ADAM23: variants seen among roughly 807,000 people sequenced by gnomAD.
ADAM23 encodes the protein ADAM metallopeptidase domain 23, also known as disintegrin and metalloproteinase domain-containing protein 23.
A neutral mutation model predicts 120.1 loss-of-function variants in ADAM23; 33 were observed. That is an observed-to-expected ratio of 0.27 (90% CI 0.21 to 0.37). The LOEUF is 0.37. Ranked by LOEUF, ADAM23 falls within the 10% of genes least tolerant of loss-of-function variation. The pLI, the probability that ADAM23 is intolerant of heterozygous loss-of-function variation, is 1.00. For synonymous variants in ADAM23, 367 were observed against 375.2 expected, an observed-to-expected ratio of 0.98 and a Z score of 0.25; for missense variants, 862 against 1,058.2, an observed-to-expected ratio of 0.81 and a Z score of 2.57.
At chr2:206,467,047 T>C (rs1695555556) in intron 2 of ADAM23, among the ~76,000 whole-genome samples, 1 of 152,228 alleles carries the variant, frequency 6.6e-6, no homozygotes, top group Non-Finnish European at 1.5e-5. Flanking sequence ...GGAAAACCGC[T>C]TGCGTGATCA....
Position 206,548,327 on chromosome 2 carries a change from G to A in ADAM23, c.840G>A (p.Trp280Ter), listed in dbSNP as rs143389656. 3.1e-6 allele frequency: 5 copies of A among 1,611,102 alleles called. No individual in the cohort carries two copies. Among genetic ancestry groups the A allele is most frequent in the Non-Finnish European group, 4.2e-6 (5 of 1,179,942 alleles). ...GGCCCTTTCTCTCTGAATTACAGTGGTTGAAAAGAAGGAAGAGAGCAGTGA... is the reference window on the plus strand; with the variant it reads ...GGCCCTTTCTCTCTGAATTACAGTGATTGAAAAGAAGGAAGAGAGCAGTGA... ...DQWPFLSELQWLKRRKRAVNP... is the reference protein window; with the variant it reads ...DQWPFLSELQ Residue 280 changes from tryptophan to a stop codon, truncating the protein, a stop_gained, in exon 8 of 26, where the codon TGG (tryptophan) becomes TGA (stop). Transcript: ENST00000264377. LOFTEE classifies it high-confidence loss of function.
intron 13 of ADAM23, among the ~76,000 whole-genome samples, chr2:206,564,208 C>T (rs1697832400): frequency 6.6e-6 from 1 of 151,860 alleles, no homozygotes; most frequent in Non-Finnish European, 1.5e-5. Flanking sequence ...ATATATTGCT[C>T]TCTCTATCGA....
chr2:206,529,512 C>T (rs944876891), intron 3 of ADAM23, among the ~76,000 whole-genome samples: 3 of 152,072 alleles, frequency 2.0e-5, no homozygotes, highest in African/African-American at 7.2e-5. Flanking sequence ...AATCCTTCCA[C>T]CTCAGGCTCC....
At chr2:206,491,148 C>T (rs1696126305) in intron 3 of ADAM23, among the ~76,000 whole-genome samples, 2 of 151,976 alleles carry the variant, frequency 1.3e-5, no homozygotes, top group South Asian at 4.2e-4. Flanking sequence ...GATGTTTGCC[C>T]TCTGCCTGCC....
intron 2 of ADAM23, among the ~76,000 whole-genome samples, chr2:206,461,968 T>C (rs933324312): frequency 3.3e-5 from 5 of 151,862 alleles, no homozygotes; most frequent in African/African-American, 7.3e-5. Context: ...TTTTGCAAAA[T>C]AGAAGCAGAG....
chr2:206,481,628 A>C (rs1011158455), intron 3 of ADAM23, among the ~76,000 whole-genome samples: 1 of 152,210 alleles, frequency 6.6e-6, no homozygotes, highest in African/African-American at 2.4e-5. Context: ...TTACTGATTC[A>C]AGTATAATTT....
chr2:206,464,004 C>T (rs757983921), intron 2 of ADAM23, among the ~76,000 whole-genome samples: 10 of 152,104 alleles, frequency 6.6e-5, no homozygotes, highest in Admixed American at 1.3e-4. Flanking sequence ...GCAGCTTTTT[C>T]GAAGATCAAA....
Position 206,560,116 on chromosome 2 carries a change from C to T in ADAM23, c.1167C>T (p.Ile389=), listed in dbSNP as rs781154735. 3.2e-5 allele frequency: 52 copies of T among 1,612,112 alleles called. No individual in the cohort carries two copies. In the South Asian group the frequency reaches 5.4e-4, roughly 17 times the overall value. The change falls in exon 11 of 26, where the codon ATC becomes ATT. Residue 389 remains isoleucine (I), a splice_region_variant and synonymous_variant. Coordinates refer to ENST00000264377, the MANE Select transcript of ADAM23 (RefSeq NM_003812.4). ...AGCATGCTGATGCTGTGCACCTCAT[C>T]TCGTACGTACTCATTTCAGCCTTTA... ...IKQHADAVHL[I]SRVTFHYKRS...
At chr2:206,558,891 C>A (rs921593049) in intron 10 of ADAM23, among the ~76,000 whole-genome samples, 2 of 152,104 alleles carry the variant, frequency 1.3e-5, no homozygotes, top group Non-Finnish European at 2.9e-5. Flanking sequence ...TGTTCCCCTT[C>A]TTCAGTGTGT....
At chr2:206,476,415 G>A (rs1457402951) in intron 2 of ADAM23, among the ~76,000 whole-genome samples, 1 of 152,140 alleles carries the variant, frequency 6.6e-6, no homozygotes, top group Admixed American at 6.5e-5. Flanking sequence ...TTAGGAACTG[G>A]GCCACACAGT....
chr2:206,558,050 G>GTATCTCCT (rs1697681764), intron 10 of ADAM23, among the ~76,000 whole-genome samples: 1 of 152,142 alleles, frequency 6.6e-6, no homozygotes, highest in African/African-American at 2.4e-5. Context: ...AATAAAATAT[G>GTATCTCCT]TATCTCCTTA....
intron 2 of ADAM23, among the ~76,000 whole-genome samples, chr2:206,475,810 T>C (rs1695762741): frequency 6.6e-6 from 1 of 152,164 alleles, no homozygotes; most frequent in Non-Finnish European, 1.5e-5. Context: ...TCTATGACCT[T>C]TCTCCACCAT....
chr2:206,573,611 A>G (rs1698050312), intron 18 of ADAM23, among the ~76,000 whole-genome samples: 1 of 151,932 alleles, frequency 6.6e-6, no homozygotes, highest in Admixed American at 6.6e-5. Context: ...ATTCACACCT[A>G]ATTACTTAAC....
At chr2:206,515,377 C>A (rs1696708942) in intron 3 of ADAM23, among the ~76,000 whole-genome samples, 2 of 152,084 alleles carry the variant, frequency 1.3e-5, no homozygotes, top group Non-Finnish European at 1.5e-5. Flanking sequence ...ATTTCCCTTG[C>A]CATTTTATTT....
At chr2:206,462,988 A>G (rs1695457278) in intron 2 of ADAM23, among the ~76,000 whole-genome samples, 2 of 152,126 alleles carry the variant, frequency 1.3e-5, no homozygotes, top group African/African-American at 2.4e-5. Context: ...AGGGGTTTAC[A>G]TTTGTCCAGG....
intron 3 of ADAM23, among the ~76,000 whole-genome samples, chr2:206,526,918 T>A (rs1002014626): frequency 3.9e-5 from 6 of 152,202 alleles, no homozygotes; most frequent in Non-Finnish European, 8.8e-5. Flanking sequence ...GTGGTGCAGA[T>A]TCACCATGAA....
intron 3 of ADAM23, among the ~76,000 whole-genome samples, chr2:206,530,038 T>A (rs1422701414): frequency 6.6e-6 from 1 of 152,204 alleles, no homozygotes; most frequent in Non-Finnish European, 1.5e-5. Context: ...CTTGATCTCT[T>A]GACCTCGTGA....
At chr2:206,510,976 C>T (rs1559241213) in intron 3 of ADAM23, among the ~76,000 whole-genome samples, 2 of 152,100 alleles carry the variant, frequency 1.3e-5, no homozygotes, top group African/African-American at 4.8e-5. Context: ...AAGTTCTGTT[C>T]TGTTATATTT....
chr2:206,548,851 A>G (rs747270766), intron 8 of ADAM23, among the ~76,000 whole-genome samples: 1 of 152,222 alleles, frequency 6.6e-6, no homozygotes, highest in Non-Finnish European at 1.5e-5. Flanking sequence ...TCAGAACACA[A>G]TGAATTTATT....
Sources: allele counts gnomAD v4.1 joint callset (sites outside exome capture counted in the v4.1 genomes callset), GRCh38; gene constraint gnomAD v4.1.1; transcripts MANE v1.5; gene names NCBI Gene and HGNC (gene_info 2026-07-23, HGNC 2026-07-21).